The following TULP3 variants were observed in gnomAD, a reference collection of about 807,000 sequenced individuals.
The protein encoded by TULP3 is TUB like protein 3.
Under a neutral mutation model 50.7 loss-of-function variants are expected in TULP3, and 38 were observed. The ratio of observed to expected loss-of-function variants is 0.75; its 90% CI spans 0.58 to 0.98. The LOEUF (loss-of-function observed/expected upper bound fraction) is 0.98, where lower values mean the gene tolerates loss of function less well. TULP3 is among the 50% of genes least tolerant of loss of function. The probability of loss-of-function intolerance (pLI) is 0.00; values close to 1 mark genes in which losing one functional copy is unlikely to be tolerated. For missense variants in TULP3, 550 were observed against 568.0 expected (o/e 0.97, Z 0.32); for synonymous variants, 183 against 196.6 (o/e 0.93, Z 0.58).
intron 1 of TULP3, among the ~76,000 whole-genome samples, chr12:2,896,329 GGCT>G (rs2098175554): frequency 6.6e-6 from 1 of 152,130 alleles, no homozygotes; most frequent in Non-Finnish European, 1.5e-5. Context: ...TCCTCCCCAG[GGCT>G]GCTTAAAAAT....
chr12:2,900,248 T>C (rs572473758), intron 1 of TULP3, among the ~76,000 whole-genome samples: 1 of 152,104 alleles, frequency 6.6e-6, no homozygotes, highest in East Asian at 1.9e-4. Context: ...AAACTTGGAT[T>C]CTAAAGATAC....
At chr12:2,897,686 C>T (rs374715919) in intron 1 of TULP3, among the ~76,000 whole-genome samples, 3 of 150,626 alleles carry the variant, frequency 2.0e-5, no homozygotes, top group East Asian at 4.0e-4. Flanking sequence ...GTCTTGAACT[C>T]GGGCCTCAAG....
chr12:2,910,043 A>G (rs1219108339), intron 2 of TULP3, among the ~76,000 whole-genome samples: 1 of 152,164 alleles, frequency 6.6e-6, no homozygotes, highest in East Asian at 1.9e-4. Context: ...CTGTCATCCC[A>G]GCACTGTGGG....
chr12:2,922,257 C>G lies in TULP3; in HGVS notation c.254-5C>G, dbSNP rs370927460. 8 of 1,607,624 alleles carry G rather than the reference C, an allele frequency of 5.0e-6. No homozygotes were observed. Among genetic ancestry groups the G allele is most frequent in the African/African-American group, 1.3e-5 (1 of 74,514 alleles). On this transcript the variant is annotated splice_region_variant and splice_polypyrimidine_tract_variant and intron_variant, in intron 3 of 10. Transcript: ENST00000448120. ...TTTTAAAATTCATTTTATTTTGGCC[C>G]TTAGGTATTGATGGTCCAGCTGCTG...
chr12:2,891,132 A>ATGATAC, intron 1 of TULP3, 144 bp downstream of exon 1: 1 of 949,616 alleles, frequency 1.1e-6, no homozygotes. Context: ...CGGCGGCGGG[A>ATGATAC]GGCGACCCCC....
chr12:2,896,298 A>T lies in TULP3; in HGVS notation c.41+5310A>T, dbSNP rs143092503. 8.4e-4 allele frequency among the ~76,000 whole-genome samples: 128 copies of T among 152,336 alleles called. 1 individual carries two copies. Among genetic ancestry groups the T allele is most frequent in the African/African-American group, 2.9e-3 (119 of 41,572 alleles). On this transcript the variant is annotated intron_variant, in intron 1 of 10. Coordinates refer to ENST00000448120, the MANE Select transcript of TULP3 (RefSeq NM_003324.5). ...GTTGTATATGCAGTATGGTTGACCT[A>T]AATGTCGTTATTCAGGGCACTCCTC...
chr12:2,921,536 G>C (rs186950498), intron 3 of TULP3, among the ~76,000 whole-genome samples: 91 of 152,246 alleles, frequency 6.0e-4, no homozygotes, highest in Middle Eastern at 6.8e-3. Flanking sequence ...GAATCATGAA[G>C]CCGGGAATAG....
rs1349634703 is a variant in TULP3 at position 2,940,241 on chromosome 12, GAC to G, written c.*806_*807del. On this transcript the variant is annotated 3_prime_UTR_variant, in exon 11 of 11. Coordinates refer to ENST00000448120, the MANE Select transcript of TULP3 (RefSeq NM_003324.5). ...GACTACGGATCCATTAGTGAGGAGC[GAC>G]ACACACACCTGTAGGCATCCTGTGC... The G allele has an allele frequency of 2.3e-5, 31 of 1,362,596 alleles. No homozygotes were observed. Among genetic ancestry groups the G allele is most frequent in the Non-Finnish European group, 2.9e-5 (30 of 1,038,126 alleles). The allele number at this position is 1,362,596 out of a possible 1,614,324, so 84.4% of individuals were successfully genotyped here.
chr12:2,933,274 G>A, intron 6 of TULP3, 144 bp from the exon 7 acceptor site: 1 of 592,530 alleles, frequency 1.7e-6, no homozygotes, highest in Non-Finnish European at 3.0e-6. Flanking sequence ...GTTAGAGAAA[G>A]GGATAAAGGC....
chr12:2,934,422 T>A (rs564047725), intron 7 of TULP3, 25 bp from the exon 8 acceptor site: 1 of 1,474,764 alleles, frequency 6.8e-7, no homozygotes, highest in African/African-American at 1.4e-5. Context: ...CAGATCATCA[T>A]GGTGACTTTT....
Position 2,920,824 on chromosome 12 carries a change from A to G in TULP3, c.155A>G (p.Asn52Ser). The G allele has an allele frequency of 1.2e-6, 2 of 1,614,148 alleles. No individual in the cohort carries two copies. Among genetic ancestry groups the G allele is most frequent in the Non-Finnish European group, 1.7e-6 (2 of 1,180,020 alleles). ...CTTGAGCCATTTATGGTGCAGCCCAATCCAGAAGCCAGGCTACGTCGGGCA... is the reference window on the plus strand; with the variant it reads ...CTTGAGCCATTTATGGTGCAGCCCAGTCCAGAAGCCAGGCTACGTCGGGCA... The part of the protein sequence containing the change: ...KRLEPFMVQP[N>S]PEARLRRAKP... The change falls in exon 3 of 11, where the codon AAT becomes AGT. Residue 52 changes from asparagine to serine, a missense_variant. Transcript: ENST00000448120.
chr12:2,930,332 G>A lies in TULP3; in HGVS notation c.479G>A (p.Ser160Asn). 2 of 1,610,728 alleles carry A rather than the reference G, an allele frequency of 1.2e-6. No individual in the cohort carries two copies. ...TTAGAAAGACCCAATTCTGCATCAA[G>A]CCAGAATTCAACCGTATGTAGTTCT... ...ACLERPNSAS[S>N]QNSTDTGTSG... The change falls in exon 5 of 11, where the codon AGC becomes AAC. Residue 160 changes from serine (S) to asparagine (N), a missense_variant. Transcript: ENST00000448120.
chr12:2,917,367 G>A (rs928218916), intron 2 of TULP3, among the ~76,000 whole-genome samples: 6 of 151,938 alleles, frequency 3.9e-5, no homozygotes, highest in Non-Finnish European at 7.4e-5. Flanking sequence ...CGCTACTCGG[G>A]AGGCTGAGGC....
intron 4 of TULP3, among the ~76,000 whole-genome samples, chr12:2,928,266 C>CA (rs1489677758): frequency 3.9e-5 from 6 of 152,226 alleles, no homozygotes; most frequent in African/African-American, 1.4e-4. Flanking sequence ...CATGGTGGCT[C>CA]ACGCCTATAA....
intron 2 of TULP3, among the ~76,000 whole-genome samples, chr12:2,911,662 G>A (rs1419928155): frequency 1.6e-5 from 1 of 61,314 alleles, no homozygotes; most frequent in Non-Finnish European, 4.3e-5. Context: ...ACTGCGCCCA[G>A]CCTTTTTTTT....
intron 1 of TULP3, among the ~76,000 whole-genome samples, chr12:2,908,149 G>C (rs2098183456): frequency 6.6e-6 from 1 of 152,148 alleles, no homozygotes; most frequent in African/African-American, 2.4e-5. Flanking sequence ...GGAATATAGT[G>C]GCACACCATT....
At chr12:2,925,162 C>T (rs1047005165) in intron 4 of TULP3, among the ~76,000 whole-genome samples, 4 of 151,432 alleles carry the variant, frequency 2.6e-5, no homozygotes, top group Non-Finnish European at 5.9e-5. Context: ...AGCAAGACTC[C>T]GTCCGTCTCA....
chr12:2,902,665 T>C (rs140948338), intron 1 of TULP3, among the ~76,000 whole-genome samples: 1 of 152,310 alleles, frequency 6.6e-6, no homozygotes, highest in East Asian at 1.9e-4. Flanking sequence ...ATTAGTAACA[T>C]TATTCAGTGC....
At chr12:2,908,680 A>G (rs1424154532) in intron 1 of TULP3, among the ~76,000 whole-genome samples, 1 of 152,152 alleles carries the variant, frequency 6.6e-6, no homozygotes, top group Admixed American at 6.6e-5. Flanking sequence ...TTGACCTCCC[A>G]AAGTGCTGGG....
Sources: gnomAD v4.1 joint callset for allele counts (sites outside exome capture counted in the v4.1 genomes callset) on GRCh38, gnomAD v4.1.1 for gene constraint, MANE v1.5 for transcripts, NCBI Gene and HGNC (gene_info 2026-07-23, HGNC 2026-07-21) for gene names.